USP24: variants seen among roughly 807,000 people sequenced by gnomAD.
The protein encoded by USP24 is ubiquitin carboxyl-terminal hydrolase 24.
In USP24, 97 loss-of-function variants were observed where a neutral mutation model predicts 361.6. The ratio of observed to expected loss-of-function variants is 0.27; its 90% confidence interval spans 0.23 to 0.32. The LOEUF is 0.32. Among genes scored for constraint, USP24 ranks in the 10% least tolerant of loss-of-function variants. The pLI, the probability that USP24 is intolerant of heterozygous loss-of-function variation, is 1.00. For synonymous variants in USP24, 1,098 were observed against 1,124.6 expected (o/e 0.98, Z 0.47); for missense variants, 2,353 against 3,165.6 (o/e 0.74, Z 6.16).
chr1:55,107,496 G>C (rs1380871105), intron 39 of USP24, 66 bp from the exon 40 acceptor site: 1 of 1,444,320 alleles, frequency 6.9e-7, no homozygotes, highest in African/African-American at 1.4e-5. Flanking sequence ...TCAAAGTCCT[G>C]AATTAAAGTA....
intron 67 of USP24, chr1:55,071,210 C>T (rs540542110): frequency 1.3e-5 from 13 of 986,930 alleles, no homozygotes; most frequent in African/African-American, 1.7e-5. Context: ...ACAGAGGAGA[C>T]TGCTGTTAAG....
intron 24 of USP24, 92 bp from the exon 25 acceptor site, chr1:55,139,102 G>C (rs1646817788): frequency 8.8e-7 from 1 of 1,138,732 alleles, no homozygotes. Context: ...CACAATAACA[G>C]TTAGCACTCA....
intron 49 of USP24, 137 bp from the exon 50 acceptor site, chr1:55,096,759 A>G (rs554317559): frequency 7.1e-7 from 1 of 1,400,052 alleles, no homozygotes; most frequent in Admixed American, 2.4e-5. Context: ...ATGTAGCAAC[A>G]ATTATTTCAA....
intron 1 of USP24, among the ~76,000 whole-genome samples, chr1:55,206,657 TA>T (rs34127046): frequency 9.2e-5 from 12 of 130,478 alleles, no homozygotes; most frequent in Non-Finnish European, 1.3e-4. Context: ...AGAAAAACAG[TA>T]AAAAAAAAAA....
intron 16 of USP24, among the ~76,000 whole-genome samples, chr1:55,152,265 A>C (rs954432296): frequency 1.3e-5 from 2 of 152,198 alleles, no homozygotes; most frequent in African/African-American, 4.8e-5. Context: ...TAACTCCAAA[A>C]ATTCTCCTTT....
chr1:55,077,449 C>T lies in USP24; in HGVS notation c.7315-149G>A, dbSNP rs1645052974. 3 of 530,648 alleles carry T rather than the reference C, an allele frequency of 5.7e-6. No homozygotes were observed. In the Admixed American group the frequency reaches 1.1e-4, roughly 19 times the overall value. 32.9% of individuals were successfully genotyped at this position (530,648 alleles called of 1,614,324 possible). A position where few individuals can be genotyped will look rare whatever the true frequency, so the allele number is the denominator to read the frequency against. Reference sequence around the variant, plus strand: ...TTTCTAGGCCTTAGTTTCTCAAATGCTAAGTCTGGGAACTGAAATAAACAA... The same window carrying T: ...TTTCTAGGCCTTAGTTTCTCAAATGTTAAGTCTGGGAACTGAAATAAACAA... On this transcript the variant is annotated intron_variant, in intron 61 of 67. Transcript: ENST00000294383.
intron 32 of USP24, among the ~76,000 whole-genome samples, chr1:55,129,011 T>C (rs1344711892): frequency 6.6e-6 from 1 of 152,128 alleles, no homozygotes; most frequent in East Asian, 1.9e-4. Flanking sequence ...TGAACCACCA[T>C]GCCTGCCCTG....
chr1:55,098,637 A>G, intron 45 of USP24, 79 bp from the exon 46 acceptor site: 1 of 1,048,928 alleles, frequency 9.5e-7, no homozygotes, highest in Admixed American at 2.0e-5. Context: ...ACACATTGCA[A>G]TTTAAGGACC....
chr1:55,126,834 T>A (rs1337857689), intron 32 of USP24, among the ~76,000 whole-genome samples: 1 of 152,094 alleles, frequency 6.6e-6, no homozygotes, highest in African/African-American at 2.4e-5. Flanking sequence ...CCTTCAACCA[T>A]CCTCTGCTCA....
At chr1:55,198,702 G>A (rs1484480733) in intron 1 of USP24, among the ~76,000 whole-genome samples, 2 of 152,122 alleles carry the variant, frequency 1.3e-5, no homozygotes, top group Non-Finnish European at 2.9e-5. Flanking sequence ...TCTATAAAAT[G>A]AAAATATTTA....
intron 32 of USP24, 109 bp from the exon 33 acceptor site, chr1:55,125,867 T>C (rs1313564113): frequency 2.2e-6 from 2 of 901,164 alleles, no homozygotes; most frequent in African/African-American, 1.7e-5. Flanking sequence ...AGTTTCTACA[T>C]GATTCTGTCA....
At chr1:55,179,407 A>G (rs1302695582) in intron 1 of USP24, among the ~76,000 whole-genome samples, 2 of 152,128 alleles carry the variant, frequency 1.3e-5, no homozygotes, top group African/African-American at 4.8e-5. Context: ...CACACTCCAG[A>G]TGTCAATTAC....
chr1:55,176,038 A>AT (rs1649948677), intron 3 of USP24, among the ~76,000 whole-genome samples: 1 of 152,228 alleles, frequency 6.6e-6, no homozygotes, highest in Admixed American at 6.5e-5. Context: ...TTTGTTTACT[A>AT]ATATGTGCAA....
At chr1:55,135,186 T>C (rs1266551487) in intron 28 of USP24, among the ~76,000 whole-genome samples, 1 of 152,192 alleles carries the variant, frequency 6.6e-6, no homozygotes, top group African/African-American at 2.4e-5. Flanking sequence ...GGTCTCGCTA[T>C]GTTGGCCAGG....
intron 39 of USP24, among the ~76,000 whole-genome samples, chr1:55,108,880 G>A (rs1237025829): frequency 6.6e-6 from 1 of 152,168 alleles, no homozygotes; most frequent in South Asian, 2.1e-4. Context: ...CACCCACTTC[G>A]CTAGATCCAA....
intron 1 of USP24, among the ~76,000 whole-genome samples, chr1:55,194,754 T>A (rs964738929): frequency 2.0e-5 from 3 of 152,172 alleles, no homozygotes; most frequent in African/African-American, 7.2e-5. Flanking sequence ...AAGAACTCGG[T>A]TTCTGACTCA....
At chr1:55,082,973 G>C (rs1376708504) in intron 58 of USP24, among the ~76,000 whole-genome samples, 1 of 151,802 alleles carries the variant, frequency 6.6e-6, no homozygotes, top group African/African-American at 2.4e-5. Flanking sequence ...CACAGCCCCA[G>C]AGAGGAAGTA....
At position 55,180,475 on chromosome 1, in the gene USP24, T is replaced by A. The variant is rs140261288; in HGVS notation, c.325-2343A>T. 4.7e-4 allele frequency among the ~76,000 whole-genome samples: 71 copies of A among 152,208 alleles called. No homozygotes were observed. In the East Asian group the frequency reaches 8.3e-3, roughly 18 times the overall value. On this transcript the variant is annotated intron_variant, in intron 1 of 67. Transcript: ENST00000294383. ...GCCAGAGGAGGAGCCTTCACATGAG[T>A]CCAGCCTACAGTCATCAAGTCATCC...
chr1:55,148,508 T>G lies in USP24; in HGVS notation c.1923A>C (p.Glu641Asp). ...WVVPALRQLH[E>D]ITRSFIKQTY... The stretch of plus-strand genomic sequence containing the variant: ...TTTGTTTTATGAATGAGCGAGTAAT[T>G]TCATGGAGCTGACGCAAAGCTGGTA... Residue 641 changes from glutamate to aspartate, a missense_variant, in exon 17 of 68, where the codon GAA becomes GAC. Glu to Asp is a conservative substitution (Grantham distance 45). This residue lies in a region of USP24 where 386 missense variants were observed against 560.5 expected (regional missense o/e 0.69). Transcript: ENST00000294383. 6.3e-7 allele frequency: 1 copy of G among 1,596,360 alleles called. No individual in the cohort carries two copies. Among genetic ancestry groups the G allele is most frequent in the Non-Finnish European group, 8.5e-7 (1 of 1,170,390 alleles).
Sources: gnomAD v4.1 joint callset for allele counts (sites outside exome capture counted in the v4.1 genomes callset) on GRCh38, gnomAD v4.1.1 for gene constraint, gnomAD v4.1.1 regional missense constraint, MANE v1.5 for transcripts, NCBI Gene and HGNC (gene_info 2026-07-23, HGNC 2026-07-21) for gene names.